Variants in FHIT observed in about 807,000 individuals in gnomAD.
The protein encoded by FHIT is bis(5'-adenosyl)-triphosphatase.
FHIT carries 19 observed loss-of-function variants against 17.9 expected under a neutral mutation model. The ratio of observed to expected loss-of-function variants is 1.06; its 90% CI spans 0.74 to 1.56. The LOEUF is 1.56. Among genes scored for constraint, FHIT ranks in the 40% most tolerant of loss-of-function variants. The pLI is 0.00. For missense variants in FHIT, 248 were observed against 189.2 expected, an observed-to-expected ratio of 1.31 and a Z score of -1.82; for synonymous variants, 81 against 69.7, an observed-to-expected ratio of 1.16 and a Z score of -0.81.
At chr3:61,243,535 T>C (rs2040419975) in intron 1 of FHIT, among the ~76,000 whole-genome samples, 1 of 152,192 alleles carries the variant, frequency 6.6e-6, no homozygotes, top group South Asian at 2.1e-4. Flanking sequence ...TTTCTAGAAG[T>C]GGTTCATTTC....
intron 5 of FHIT, among the ~76,000 whole-genome samples, chr3:60,020,183 C>T (rs919368261): frequency 6.6e-6 from 1 of 152,074 alleles, no homozygotes; most frequent in Admixed American, 6.6e-5. Context: ...ATTATGTTGC[C>T]ACATTTTTAT....
intron 5 of FHIT, among the ~76,000 whole-genome samples, chr3:60,258,252 C>G (rs1485063536): frequency 6.6e-6 from 1 of 152,090 alleles, no homozygotes; most frequent in Admixed American, 6.6e-5. Flanking sequence ...TCTGTGACAA[C>G]GTTCAACTTT....
intron 3 of FHIT, among the ~76,000 whole-genome samples, chr3:60,975,717 G>A (rs1195783569): frequency 6.6e-6 from 1 of 152,032 alleles, no homozygotes; most frequent in East Asian, 1.9e-4. Flanking sequence ...TCTGTAATAT[G>A]ACTGTGTATG....
chr3:60,018,608 G>C (rs1399175985), intron 5 of FHIT, among the ~76,000 whole-genome samples: 2 of 152,290 alleles, frequency 1.3e-5, no homozygotes, highest in African/African-American at 4.8e-5. Context: ...AGAGTCAGGA[G>C]AGCCACTGAC....
chr3:61,187,627 C>T lies in FHIT; in HGVS notation c.-164+12990G>A, dbSNP rs551025360. On this transcript the variant is annotated intron_variant, in intron 2 of 9. Coordinates refer to ENST00000492590, the MANE Select transcript of FHIT (RefSeq NM_002012.4). ...CTCCATCCCAAATCAACAGAATATA[C>T]ATTCTTTTCAGAACCACACCACACC... is the stretch of plus-strand genomic sequence containing the variant. Among the ~76,000 whole-genome samples, 47 of 152,284 alleles carry T rather than the reference C, an allele frequency of 3.1e-4. 1 individual carries two copies. In the Middle Eastern group the frequency reaches 0.01, roughly 33 times the overall value.
At chr3:61,007,308 C>A (rs1229939470) in intron 3 of FHIT, among the ~76,000 whole-genome samples, 1 of 152,182 alleles carries the variant, frequency 6.6e-6, no homozygotes, top group African/African-American at 2.4e-5. Context: ...CTCTGCATAA[C>A]TTACTCCCTC....
chr3:60,286,814 A>T (rs1046232730), intron 5 of FHIT, among the ~76,000 whole-genome samples: 1 of 152,164 alleles, frequency 6.6e-6, no homozygotes, highest in Non-Finnish European at 1.5e-5. Context: ...TAATCCAGAG[A>T]TCAATTTACC....
chr3:60,873,886 A>C (rs1196547260), intron 3 of FHIT, among the ~76,000 whole-genome samples: 3 of 152,200 alleles, frequency 2.0e-5, no homozygotes, highest in African/African-American at 7.2e-5. Flanking sequence ...CAAGGTAAAC[A>C]GCAGGGCTTC....
intron 4 of FHIT, among the ~76,000 whole-genome samples, chr3:60,700,299 T>G (rs1394489142): frequency 6.6e-6 from 1 of 152,200 alleles, no homozygotes; most frequent in Non-Finnish European, 1.5e-5. Context: ...TCTAGTTTCA[T>G]ACCAGTACAT....
intron 5 of FHIT, among the ~76,000 whole-genome samples, chr3:60,278,000 C>A (rs923294621): frequency 1.3e-5 from 2 of 152,040 alleles, no homozygotes; most frequent in African/African-American, 2.4e-5. Context: ...AACTAGTATC[C>A]CCAAATTTGG....
chr3:60,677,785 C>T (rs1456785735), intron 4 of FHIT, among the ~76,000 whole-genome samples: 1 of 152,034 alleles, frequency 6.6e-6, no homozygotes, highest in Non-Finnish European at 1.5e-5. Context: ...GGCTATGAAG[C>T]CATCCAGTCC....
Position 60,655,745 on chromosome 3 carries a change from T to C in FHIT, c.-17-118766A>G, listed in dbSNP as rs369632151. On this transcript the variant is annotated intron_variant, in intron 4 of 9. Transcript: ENST00000492590. Reference sequence around the variant, plus strand: ...TTGAACAAAAGTCCCCAAGTGCTAATTGCATATTCTCTCACATCCCCAAGA... The same window carrying C: ...TTGAACAAAAGTCCCCAAGTGCTAACTGCATATTCTCTCACATCCCCAAGA... Among the ~76,000 whole-genome samples the C allele has an allele frequency of 7.2e-5, 11 of 152,328 alleles. No homozygotes were observed. In the South Asian group the frequency reaches 1.5e-3, roughly 20 times the overall value.
At chr3:60,457,024 C>T (rs866616548) in intron 5 of FHIT, among the ~76,000 whole-genome samples, 9 of 152,262 alleles carry the variant, frequency 5.9e-5, no homozygotes, top group Middle Eastern at 3.4e-3. Flanking sequence ...TTTATAGATT[C>T]AATGCCATCC....
chr3:60,092,275 C>G (rs1167897452), intron 5 of FHIT, among the ~76,000 whole-genome samples: 1 of 152,090 alleles, frequency 6.6e-6, no homozygotes, highest in Non-Finnish European at 1.5e-5. Context: ...CTGCTTGGTA[C>G]CATGTGAGTT....
intron 4 of FHIT, among the ~76,000 whole-genome samples, chr3:60,595,652 G>C (rs2038245334): frequency 6.6e-6 from 1 of 151,562 alleles, no homozygotes; most frequent in Non-Finnish European, 1.5e-5. Flanking sequence ...TATAGTGTGT[G>C]TATGTGTGTA....
At chr3:61,155,666 T>C (rs1390673130) in intron 2 of FHIT, among the ~76,000 whole-genome samples, 2 of 152,188 alleles carry the variant, frequency 1.3e-5, no homozygotes, top group African/African-American at 4.8e-5. Context: ...CTTTTGTCAG[T>C]GATTATGCTG....
chr3:60,666,118 C>T (rs1331067567), intron 4 of FHIT, among the ~76,000 whole-genome samples: 1 of 152,072 alleles, frequency 6.6e-6, no homozygotes, highest in Non-Finnish European at 1.5e-5. Flanking sequence ...TTTTAATCAT[C>T]AAACATGATT....
intron 3 of FHIT, among the ~76,000 whole-genome samples, chr3:60,969,043 A>G (rs1037704772): frequency 2.6e-5 from 4 of 152,056 alleles, no homozygotes; most frequent in Non-Finnish European, 2.9e-5. Flanking sequence ...TTTTCATTTA[A>G]TACCCCTCAT....
chr3:60,844,117 A>T (rs1702839680), intron 3 of FHIT, among the ~76,000 whole-genome samples: 1 of 152,194 alleles, frequency 6.6e-6, no homozygotes, highest in Admixed American at 6.5e-5. Flanking sequence ...GAGCTTAGCA[A>T]ATACCTTATA....
Sources: gnomAD v4.1 joint callset for allele counts (sites outside exome capture counted in the v4.1 genomes callset) on GRCh38, gnomAD v4.1.1 for gene constraint, MANE v1.5 for transcripts, NCBI Gene and HGNC (gene_info 2026-07-23, HGNC 2026-07-21) for gene names.